RPTOR: variants seen among roughly 807,000 people sequenced by gnomAD.
The protein encoded by RPTOR is regulatory associated protein of MTOR complex 1, also known as regulatory-associated protein of mTOR.
Under a neutral mutation model 169.9 loss-of-function variants are expected in RPTOR, and 21 were observed. The observed-to-expected ratio is 0.12, with a 90% confidence interval of 0.09 to 0.18. The LOEUF (loss-of-function observed/expected upper bound fraction) is 0.18, where lower values mean the gene tolerates loss of function less well. Ranked by LOEUF, RPTOR falls within the 10% of genes least tolerant of loss-of-function variation. RPTOR has a pLI of 1.00. For missense variants in RPTOR, 1,133 were observed against 1,855.9 expected (o/e 0.61, Z 7.16); for synonymous variants, 732 against 753.2 (o/e 0.97, Z 0.46).
chr17:80,866,840 A>G (rs1231422348), intron 13 of RPTOR, among the ~76,000 whole-genome samples: 2 of 152,152 alleles, frequency 1.3e-5, no homozygotes, highest in East Asian at 1.9e-4. Flanking sequence ...TTGGCCTCCC[A>G]AAGTGCTGGG....
At position 80,845,308 on chromosome 17, in the gene RPTOR, C is replaced by T. The variant is rs987745940; in HGVS notation, c.1213-1165C>T. ...TCACCCCCTCGAGGGGCCCTGATGCCGCCTGACATTCTGACCCCAAGCATT... is the reference window on the plus strand; with the variant it reads ...TCACCCCCTCGAGGGGCCCTGATGCTGCCTGACATTCTGACCCCAAGCATT... On this transcript the variant is annotated intron_variant, in intron 10 of 33. Coordinates refer to ENST00000306801, the MANE Select transcript of RPTOR (RefSeq NM_020761.3). This position sits in a 1 kb window ranked among gnomAD's most constrained non-coding sequence, Gnocchi z 5.4. Among the ~76,000 whole-genome samples the T allele has an allele frequency of 2.2e-4, 34 of 152,292 alleles. No individual in the cohort carries two copies. The highest frequency in any genetic ancestry group is 2.2e-3 in the Admixed American group (34 of 15,300).
intron 13 of RPTOR, among the ~76,000 whole-genome samples, chr17:80,871,875 G>A (rs373708306): frequency 6.6e-6 from 1 of 152,106 alleles, no homozygotes; most frequent in Non-Finnish European, 1.5e-5. Flanking sequence ...GACTGTCAGT[G>A]GATGAGGTGG....
intron 1 of RPTOR, among the ~76,000 whole-genome samples, chr17:80,564,222 C>G (rs2084544250): frequency 6.6e-6 from 1 of 152,230 alleles, no homozygotes; most frequent in Non-Finnish European, 1.5e-5. Context: ...GCCACCACGC[C>G]TGGCTAATTT....
At position 80,947,029 on chromosome 17, in the gene RPTOR, C is replaced by T. The variant is rs550430538; in HGVS notation, c.3141-198C>T. On this transcript the variant is annotated intron_variant, in intron 26 of 33. Coordinates refer to ENST00000306801, the MANE Select transcript of RPTOR (RefSeq NM_020761.3). The surrounding 1 kb of genome is among the most constrained non-coding windows in gnomAD (Gnocchi z 4.4). ...ACAAGGTCTCACTTTGTTGTCCAGG[C>T]TGGTCTTGAACTCCCAGGCTCCAAC... 3.3e-4 allele frequency among the ~76,000 whole-genome samples: 51 copies of T among 152,338 alleles called. 1 individual carries two copies. The highest frequency in any genetic ancestry group is 6.9e-4 in the Non-Finnish European group (47 of 68,026).
Position 80,945,701 on chromosome 17 carries a change from C to G in RPTOR, c.3060C>G (p.Asn1020Lys), listed in dbSNP as rs1235769226. 6.2e-7 allele frequency: 1 copy of G among 1,611,900 alleles called. No individual in the cohort carries two copies. The highest frequency in any genetic ancestry group is 2.2e-5 in the East Asian group (1 of 44,608). The change falls in exon 26 of 34, where the codon AAC becomes AAG. Residue 1020 changes from asparagine to lysine, a missense_variant. Asn to Lys is a moderately conservative substitution (Grantham distance 94). Around this residue, in one of 9 missense-constraint regions of RPTOR, gnomAD observed 410 missense variants for 623.7 expected, o/e 0.66. Coordinates refer to ENST00000306801, the MANE Select transcript of RPTOR (RefSeq NM_020761.3). ...GATTGGACGACCAAATATTTCTGAA[C>G]AGGAACCCCGGCGTCCCCTCTGTGG... is the stretch of plus-strand genomic sequence containing the variant. ...ITRLDDQIFL[N>K]RNPGVPSVVK...
At chr17:80,551,106 C>G (rs962989632) in intron 1 of RPTOR, among the ~76,000 whole-genome samples, 4 of 152,090 alleles carry the variant, frequency 2.6e-5, no homozygotes, top group Non-Finnish European at 4.4e-5. Context: ...CCAGGCTGGT[C>G]TTGAACTCCT....
Position 80,949,379 on chromosome 17 carries a change from G to A in RPTOR, c.3266-64G>A, listed in dbSNP as rs545435516. The A allele has an allele frequency of 7.3e-6, 10 of 1,374,972 alleles. No homozygotes were observed. The Admixed American group carries it at 8.4e-5, about 12-fold the overall frequency. 85.2% of individuals were successfully genotyped at this position (1,374,972 alleles called of 1,614,324 possible). A position where few individuals can be genotyped will look rare whatever the true frequency, so the allele number is the denominator to read the frequency against. On this transcript the variant is annotated intron_variant, in intron 27 of 33. Coordinates refer to ENST00000306801, the MANE Select transcript of RPTOR (RefSeq NM_020761.3). ...TGCCAGGAAGGGCTCTTACCACCAC[G>A]CACAGAGCACAGGCCAGGCCATCGA...
intron 7 of RPTOR, among the ~76,000 whole-genome samples, chr17:80,816,750 G>A (rs111660712): frequency 0.044 from 6,738 of 152,258 alleles, 246 homozygotes; most frequent in Admixed American, 0.098. Context: ...ACCAGCTTTC[G>A]CATGGCAGGT....
intron 3 of RPTOR, among the ~76,000 whole-genome samples, chr17:80,690,342 T>TAC (rs56006985): frequency 3.4e-5 from 5 of 145,328 alleles, no homozygotes; most frequent in African/African-American, 5.6e-5. Context: ...CACACACACA[T>TAC]ACACACACAC....
Position 80,861,993 on chromosome 17 carries a change from C to T in RPTOR, c.1509+4093C>T, listed in dbSNP as rs931407028. Among the ~76,000 whole-genome samples, 1 of 152,264 alleles carries T rather than the reference C, an allele frequency of 6.6e-6. No homozygotes were observed. Among genetic ancestry groups the T allele is most frequent in the Non-Finnish European group, 1.5e-5 (1 of 68,004 alleles). On this transcript the variant is annotated intron_variant, in intron 13 of 33. Coordinates refer to ENST00000306801, the MANE Select transcript of RPTOR (RefSeq NM_020761.3). This position sits in a 1 kb window ranked among gnomAD's most constrained non-coding sequence, Gnocchi z 4.5. ...TGGATCTCCCAGGGCCTGTTGCTCT[C>T]GAGTGCCCCAAATGGCAGAACGTGG...
In RPTOR at chr17:80,767,585, C is replaced by T. The variant is rs571688835; in HGVS notation, c.830+13400C>T. Among the ~76,000 whole-genome samples, 3 of 152,260 alleles carry T rather than the reference C, an allele frequency of 2.0e-5. No homozygotes were observed. The East Asian group carries it at 5.8e-4, about 29-fold the overall frequency. On this transcript the variant is annotated intron_variant, in intron 6 of 33. Coordinates refer to ENST00000306801, the MANE Select transcript of RPTOR (RefSeq NM_020761.3). Reference sequence around the variant, plus strand: ...CTGGTTAACAACCATTCAAAGACAACCCCGCACCCAGATATCTTTACTAGT... The same window carrying T: ...CTGGTTAACAACCATTCAAAGACAATCCCGCACCCAGATATCTTTACTAGT...
intron 5 of RPTOR, among the ~76,000 whole-genome samples, chr17:80,741,618 T>A (rs2066482630): frequency 6.6e-6 from 1 of 152,158 alleles, no homozygotes; most frequent in African/African-American, 2.4e-5. Context: ...TGGGGTCCTA[T>A]CAGAGATGTT....
At chr17:80,607,236 G>T (rs1052450171) in intron 1 of RPTOR, among the ~76,000 whole-genome samples, 1 of 152,172 alleles carries the variant, frequency 6.6e-6, no homozygotes, top group Non-Finnish European at 1.5e-5. Flanking sequence ...ACCGCGCCCA[G>T]CTTTCTTCAA....
intron 14 of RPTOR, among the ~76,000 whole-genome samples, chr17:80,882,310 A>T (rs1000757068): frequency 1.3e-4 from 20 of 152,246 alleles, no homozygotes; most frequent in African/African-American, 3.9e-4. Flanking sequence ...TAAAAGCAGG[A>T]TGAATCCTGA....
At chr17:80,805,661 G>C (rs1330181129) in intron 7 of RPTOR, 1 of 152,156 alleles carries the variant, frequency 6.6e-6, no homozygotes, top group Non-Finnish European at 1.5e-5. Context: ...GATGGGCTTT[G>C]GAATCTGCCT....
intron 2 of RPTOR, among the ~76,000 whole-genome samples, chr17:80,643,040 T>TG (rs2065565740): frequency 6.6e-6 from 1 of 152,182 alleles, no homozygotes; most frequent in Non-Finnish European, 1.5e-5. Context: ...TGAAGAAAAA[T>TG]ATTTAAAAAA....
At chr17:80,604,757 T>A (rs2065216046) in intron 1 of RPTOR, among the ~76,000 whole-genome samples, 1 of 152,152 alleles carries the variant, frequency 6.6e-6, no homozygotes, top group South Asian at 2.1e-4. Context: ...AACTCCCCTT[T>A]ATAAAAACAT....
At position 80,822,319 on chromosome 17, in the gene RPTOR, C is replaced by A; in HGVS notation, c.991+18C>A. On this transcript the variant is annotated intron_variant, in intron 8 of 33. Coordinates refer to ENST00000306801, the MANE Select transcript of RPTOR (RefSeq NM_020761.3). ...CCCCCGGGGTGAGGCGCGGGCCGGG[C>A]CTTGGGGAGGGAGGCTATGGCCTTG... 1 of 1,612,064 alleles carries A rather than the reference C, an allele frequency of 6.2e-7. No homozygotes were observed. The highest frequency in any genetic ancestry group is 8.5e-7 in the Non-Finnish European group (1 of 1,178,320).
chr17:80,780,918 G>A (rs1024788722), intron 6 of RPTOR, among the ~76,000 whole-genome samples: 2 of 152,354 alleles, frequency 1.3e-5, no homozygotes, highest in East Asian at 1.9e-4. Flanking sequence ...GTTGTCAGGG[G>A]TACACACTTG....
Sources: gnomAD v4.1 joint callset for allele counts (sites outside exome capture counted in the v4.1 genomes callset) on GRCh38, gnomAD v4.1.1 for gene constraint, gnomAD v4.1.1 regional missense constraint, Gnocchi (gnomAD v3.1) non-coding constraint, MANE v1.5 for transcripts, NCBI Gene and HGNC (gene_info 2026-07-23, HGNC 2026-07-21) for gene names.